The following BLACAT1 variants were observed in gnomAD, a reference collection of about 807,000 sequenced individuals.
BLACAT1 encodes the protein bladder cancer associated transcript 1.
chr1:205,446,630 G>A (rs1174056332), intron 1 of BLACAT1, among the ~76,000 whole-genome samples: 2 of 152,220 alleles, frequency 1.3e-5, no homozygotes, highest in East Asian at 3.9e-4. Flanking sequence ...CCAGTTAGGA[G>A]ATCAGGAGTT....
At chr1:205,437,239 A>C (rs1013956051), downstream of BLACAT1, 2 of 152,424 alleles carry the variant, frequency 1.3e-5, no homozygotes, top group African/African-American at 4.8e-5. Flanking sequence ...CCCATGGGTT[A>C]CATAACTGGA....
chr1:205,442,236 C>CG, intron 1 of BLACAT1, among the ~76,000 whole-genome samples: 1 of 152,162 alleles, frequency 6.6e-6, no homozygotes, highest in African/African-American at 2.4e-5. Context: ...CCAAGTGCTG[C>CG]GGGGAAGGAG....
chr1:205,452,966 G>A (rs1666515935), intron 1 of BLACAT1, among the ~76,000 whole-genome samples: 2 of 152,300 alleles, frequency 1.3e-5, no homozygotes, highest in South Asian at 4.1e-4. Context: ...TTTCAGGCTT[G>A]GTGTGTGCTT....
intron 1 of BLACAT1, among the ~76,000 whole-genome samples, chr1:205,452,987 T>TATGCC (rs1666516272): frequency 6.6e-6 from 1 of 152,050 alleles, no homozygotes. Context: ...GGAGCTCCCT[T>TATGCC]ATGCCTGTCC....
chr1:205,454,797 T>C (rs1175795209), intron 1 of BLACAT1, among the ~76,000 whole-genome samples: 3 of 152,062 alleles, frequency 2.0e-5, no homozygotes, highest in Non-Finnish European at 4.4e-5. Context: ...AGCTGACTTT[T>C]CCTCCAAAGT....
chr1:205,448,121 C>T lies in BLACAT1; in HGVS notation c.-36-7059G>A, dbSNP rs537576456. Among the ~76,000 whole-genome samples the T allele has an allele frequency of 6.6e-6, 1 of 152,326 alleles. No homozygotes were observed. The highest frequency in any genetic ancestry group is 6.5e-5 in the Admixed American group (1 of 15,312). On this transcript the variant is annotated intron_variant, in intron 1 of 1. Coordinates refer to ENST00000629624, the Ensembl canonical transcript of BLACAT1. This position sits in a 1 kb window ranked among gnomAD's most constrained non-coding sequence, Gnocchi z 4.7. ...TCTGGAATCACCGGCCCAGTCTCTT[C>T]ATTCCAGAGTGAGGAAACAGGGCCA...
intron 1 of BLACAT1, among the ~76,000 whole-genome samples, chr1:205,446,084 C>T (rs994783096): frequency 1.3e-5 from 2 of 152,234 alleles, no homozygotes; most frequent in East Asian, 1.9e-4. Flanking sequence ...CGTCTGCAGG[C>T]AGGGGACAGG....
In BLACAT1 at chr1:205,448,244, G is replaced by A. The variant is rs1666436807; in HGVS notation, c.-36-7182C>T. 1 of 495,680 alleles carries A rather than the reference G, an allele frequency of 2.0e-6. No individual in the cohort carries two copies. Among genetic ancestry groups the A allele is most frequent in the East Asian group, 5.7e-5 (1 of 17,500 alleles). The allele number at this position is 495,680 out of a possible 1,614,324, so 30.7% of individuals were successfully genotyped here. A position where few individuals can be genotyped will look rare whatever the true frequency, so the allele number is the denominator to read the frequency against. ...CCCCCAAGCAAAGCCTCCTTCTGGT[G>A]CCCCTTGGTGGCTGGCTCCGAACCT... On this transcript the variant is annotated intron_variant, in intron 1 of 1. Coordinates refer to ENST00000629624, the Ensembl canonical transcript of BLACAT1. This position sits in a 1 kb window ranked among gnomAD's most constrained non-coding sequence, Gnocchi z 4.7.
At chr1:205,435,843 CAG>C (rs1666196014), downstream of BLACAT1, 1 of 152,174 alleles carries the variant, frequency 6.6e-6, no homozygotes, top group African/African-American at 2.4e-5. Flanking sequence ...CTCAAAAGGG[CAG>C]AGACAAACCC....
At chr1:205,437,703 G>A (rs968328678), downstream of BLACAT1, 8 of 152,340 alleles carry the variant, frequency 5.3e-5, no homozygotes, top group East Asian at 1.2e-3. Flanking sequence ...CAGACTCACA[G>A]AGCCCTGGAC....
In BLACAT1 at chr1:205,450,986, T is replaced by C. The variant is rs1666490101; in HGVS notation, c.-37+4931A>G. Among the ~76,000 whole-genome samples, 1 of 152,184 alleles carries C rather than the reference T, an allele frequency of 6.6e-6. No homozygotes were observed. The highest frequency in any genetic ancestry group is 1.5e-5 in the Non-Finnish European group (1 of 68,020). On this transcript the variant is annotated intron_variant, in intron 1 of 1. Transcript: ENST00000629624. The surrounding 1 kb of genome is among the most constrained non-coding windows in gnomAD (Gnocchi z 4.4). ...ACTCCCTCTCCTCAAGATGGGGCCA[T>C]GCCCACGATTCCTGTCTCCTCTGGG...
downstream of BLACAT1, chr1:205,436,668 T>C (rs1666212776): frequency 6.6e-6 from 1 of 152,208 alleles, no homozygotes; most frequent in Admixed American, 6.5e-5. Context: ...ATTCATTCCT[T>C]GGGAACAGAT....
At chr1:205,451,881 G>A (rs1443319446) in intron 1 of BLACAT1, among the ~76,000 whole-genome samples, 3 of 152,132 alleles carry the variant, frequency 2.0e-5, no homozygotes, top group Non-Finnish European at 4.4e-5. Flanking sequence ...GCTACAACTT[G>A]CCTGGATGGG....
chr1:205,445,230 A>ACCCCTTCCCCC (rs1394033580), intron 1 of BLACAT1, among the ~76,000 whole-genome samples: 1 of 151,568 alleles, frequency 6.6e-6, no homozygotes, highest in Non-Finnish European at 1.5e-5. Context: ...CTCCTTCCCC[A>ACCCCTTCCCCC]CCCCTTCCCC....
intron 1 of BLACAT1, among the ~76,000 whole-genome samples, chr1:205,453,217 G>A (rs576632377): frequency 6.6e-6 from 1 of 152,276 alleles, no homozygotes; most frequent in East Asian, 1.9e-4. Flanking sequence ...CAGAACCAAC[G>A]CACGAGAAGG....
chr1:205,438,696 C>G (rs1324171876), downstream of BLACAT1, among the ~76,000 whole-genome samples: 1 of 152,166 alleles, frequency 6.6e-6, no homozygotes, highest in African/African-American at 2.4e-5. Flanking sequence ...GAAGAAGGGG[C>G]TGCCGGCTTG....
chr1:205,444,368 C>T (rs771167291), intron 1 of BLACAT1, among the ~76,000 whole-genome samples: 2 of 151,988 alleles, frequency 1.3e-5, no homozygotes, highest in Non-Finnish European at 2.9e-5. Context: ...GGGGCACAGA[C>T]GATGCCCTGC....
At chr1:205,444,951 C>T (rs935649719) in intron 1 of BLACAT1, among the ~76,000 whole-genome samples, 5 of 151,380 alleles carry the variant, frequency 3.3e-5, no homozygotes, top group South Asian at 4.2e-4. Context: ...GGTGTGCCCT[C>T]GACGCCTCTA....
In BLACAT1 at chr1:205,454,423, G is replaced by C. The variant is rs372558156; in HGVS notation, c.-37+1494C>G. Among the ~76,000 whole-genome samples the C allele has an allele frequency of 4.6e-5, 7 of 152,026 alleles. No individual in the cohort carries two copies. In the South Asian group the frequency reaches 8.3e-4, roughly 18 times the overall value. On this transcript the variant is annotated intron_variant, in intron 1 of 1. Coordinates refer to ENST00000629624, the Ensembl canonical transcript of BLACAT1. ...CTGGATGTTCTCTTTGTGTGTGTGG[G>C]GTGCGTGGGATGGGGGTGGGGGGTG...
Sources: gnomAD v4.1 joint callset for allele counts (sites outside exome capture counted in the v4.1 genomes callset) on GRCh38, gnomAD v4.1.1 for gene constraint, Gnocchi (gnomAD v3.1) non-coding constraint, MANE v1.5 for transcripts, NCBI Gene and HGNC (gene_info 2026-07-23, HGNC 2026-07-21) for gene names.